The following LIG1 variants were observed in gnomAD, a reference collection of about 807,000 sequenced individuals.
LIG1 encodes ligase I, DNA, ATP-dependent.
A neutral mutation model predicts 115.7 loss-of-function variants in LIG1; 70 were observed. The ratio of observed to expected loss-of-function variants is 0.60; its 90% CI spans 0.50 to 0.74. The LOEUF is 0.74. Ranked by LOEUF, LIG1 falls within the 30% of genes least tolerant of loss-of-function variation. The probability of loss-of-function intolerance (pLI) is 0.00; values close to 1 mark genes in which losing one functional copy is unlikely to be tolerated. For synonymous variants in LIG1, 487 were observed against 495.3 expected (o/e 0.98, Z 0.22); for missense variants, 1,115 against 1,225.6 (o/e 0.91, Z 1.35).
intron 25 of LIG1, among the ~76,000 whole-genome samples, chr19:48,118,821 T>C (rs142557154): frequency 6.6e-6 from 1 of 152,312 alleles, no homozygotes; most frequent in African/African-American, 2.4e-5. Flanking sequence ...TTCATTCACA[T>C]TGATCAGGGC....
At chr19:48,167,821 G>A (rs1299147018) in intron 1 of LIG1, among the ~76,000 whole-genome samples, 2 of 132,904 alleles carry the variant, frequency 1.5e-5, no homozygotes, top group Non-Finnish European at 3.1e-5. Flanking sequence ...GCGAGACCCC[G>A]TCTTAAAAAA....
Position 48,134,029 on chromosome 19 carries a change from G to T in LIG1, c.1561C>A (p.Leu521Met). The change falls in exon 17 of 28, where the codon CTG (leucine) becomes ATG (methionine). Residue 521 changes from leucine to methionine, a missense_variant. Leu to Met is a conservative substitution (Grantham distance 15). Transcript: ENST00000263274. The stretch of plus-strand genomic sequence containing the variant: ...GGGAGACGTTCCAGGCCGTGCTCCA[G>T]CAGCACGGGGATAATTCGGTCCAGG... ...PDLDRIIPVL[L>M]EHGLERLPEH... is the part of the protein sequence containing the mutation. The T allele has an allele frequency of 6.4e-7, 1 of 1,557,650 alleles. No homozygotes were observed. Among genetic ancestry groups the T allele is most frequent in the Non-Finnish European group, 8.7e-7 (1 of 1,150,166 alleles).
At chr19:48,156,928 G>C (rs1223337673) in intron 5 of LIG1, 86 bp downstream of exon 5, 24 of 1,228,942 alleles carry the variant, frequency 2.0e-5, no homozygotes, top group Non-Finnish European at 2.6e-5. Flanking sequence ...AACAGAGCGA[G>C]ACTATGTCTC....
At chr19:48,143,084 G>A (rs937625739) in intron 11 of LIG1, among the ~76,000 whole-genome samples, 1 of 152,222 alleles carries the variant, frequency 6.6e-6, no homozygotes, top group East Asian at 1.9e-4. Context: ...GGACCAGGGT[G>A]GGGCAGTGCT....
At chr19:48,155,409 C>T (rs957759743) in intron 5 of LIG1, among the ~76,000 whole-genome samples, 2 of 152,192 alleles carry the variant, frequency 1.3e-5, no homozygotes, top group East Asian at 1.9e-4. Context: ...CTGTTCCCAT[C>T]TCGAGGCCTC....
intron 15 of LIG1, 127 bp downstream of exon 15, chr19:48,135,907 C>CCCCGCG: frequency 1.0e-6 from 1 of 952,744 alleles, no homozygotes; most frequent in Non-Finnish European, 1.6e-6. Context: ...TCCCCCCCAC[C>CCCCGCG]CAGGAGAGAG....
chr19:48,143,005 G>C (rs1028789618), intron 11 of LIG1, among the ~76,000 whole-genome samples: 1 of 152,172 alleles, frequency 6.6e-6, no homozygotes, highest in Non-Finnish European at 1.5e-5. Context: ...GGAGGACAAG[G>C]AGAGAAGAGG....
At chr19:48,116,644 C>T (rs548131433) in intron 26 of LIG1, among the ~76,000 whole-genome samples, 5 of 151,930 alleles carry the variant, frequency 3.3e-5, no homozygotes, top group African/African-American at 7.3e-5. Context: ...ACATCCTCAC[C>T]GTAAAATGGA....
chr19:48,126,594 A>G lies in LIG1; in HGVS notation c.2004+683T>C, dbSNP rs901914950. Among the ~76,000 whole-genome samples, 148 of 151,236 alleles carry G rather than the reference A, an allele frequency of 9.8e-4. 1 individual carries two copies. The highest frequency in any genetic ancestry group is 3.6e-3 in the African/African-American group (147 of 41,000). On this transcript the variant is annotated intron_variant, in intron 21 of 27. Transcript: ENST00000263274. ...GCACTCCAGCCTGGGTGACTGAGCAAGACTCTTATCTCAAAAAAAAAAAAA... is the reference window on the plus strand; with the variant it reads ...GCACTCCAGCCTGGGTGACTGAGCAGGACTCTTATCTCAAAAAAAAAAAAA...
chr19:48,161,883 T>C (rs1473415049), intron 3 of LIG1, among the ~76,000 whole-genome samples: 2 of 134,046 alleles, frequency 1.5e-5, no homozygotes, highest in African/African-American at 5.6e-5. Flanking sequence ...TGGAGTGCAG[T>C]GGGCCGAGAT....
chr19:48,122,423 C>A lies in LIG1; in HGVS notation c.2232+511G>T. On this transcript the variant is annotated intron_variant, in intron 23 of 27. Coordinates refer to ENST00000263274, the MANE Select transcript of LIG1 (RefSeq NM_000234.3). The surrounding 1 kb of genome is among the most constrained non-coding windows in gnomAD (Gnocchi z 4.3). ...TGAGCTCACCTCCCGCCTCGCCTGCCCTTGCTCCCTGCACACGCAGAGGCT... is the reference window on the plus strand; with the variant it reads ...TGAGCTCACCTCCCGCCTCGCCTGCACTTGCTCCCTGCACACGCAGAGGCT... 1 of 210,266 alleles carries A rather than the reference C, an allele frequency of 4.8e-6. No individual in the cohort carries two copies. Among genetic ancestry groups the A allele is most frequent in the Non-Finnish European group, 9.7e-6 (1 of 102,812 alleles). The allele number at this position is 210,266 out of a possible 1,614,324, so 13.0% of individuals were successfully genotyped here.
intron 1 of LIG1, among the ~76,000 whole-genome samples, chr19:48,169,215 TG>T (rs2036636737): frequency 6.6e-6 from 1 of 152,190 alleles, no homozygotes; most frequent in South Asian, 2.1e-4. Context: ...GGAGTTCTTA[TG>T]TGGAGAGGGA....
At position 48,127,962 on chromosome 19, in the gene LIG1, C is replaced by T. The variant is rs546799751; in HGVS notation, c.1880G>A (p.Arg627Gln). The change falls in exon 20 of 28, where the codon CGG becomes CAG. Residue 627 changes from arginine to glutamine, a missense_variant. Coordinates refer to ENST00000263274, the MANE Select transcript of LIG1 (RefSeq NM_000234.3). ...ILDTEAVAWD[R>Q]EKKQIQPFQV... Reference sequence around the variant, plus strand: ...GAATGGCTGGATCTGCTTCTTTTCCCGGTCCCAAGCCACGGCTTCGGTGTC... The same window carrying T: ...GAATGGCTGGATCTGCTTCTTTTCCTGGTCCCAAGCCACGGCTTCGGTGTC... 20 of 1,614,136 alleles carry T rather than the reference C, an allele frequency of 1.2e-5. No homozygotes were observed. The East Asian group carries it at 1.8e-4, about 14-fold the overall frequency.
chr19:48,125,797 G>A (rs1425668861), intron 21 of LIG1, among the ~76,000 whole-genome samples: 1 of 151,604 alleles, frequency 6.6e-6, no homozygotes, highest in Non-Finnish European at 1.5e-5. Context: ...AGACCATCCT[G>A]GCCAACATGG....
chr19:48,120,720 G>T (rs1226840066), intron 24 of LIG1: 11 of 338,608 alleles, frequency 3.2e-5, no homozygotes, highest in Non-Finnish European at 4.7e-5. Flanking sequence ...CTTCCCTGGT[G>T]CGTGGAGCAG....
chr19:48,165,559 C>G lies in LIG1; in HGVS notation c.8G>C (p.Arg3Pro), dbSNP rs201713810. MQ[R>P]SIMSFFHPKK... ...AAGGGAGGGTGCTCACATGATACTT[C>G]GCTGCATGTTGGCGTCAGAATTCTC... Residue 3 changes from arginine (R) to proline (P), a missense_variant, in exon 2 of 28, where the codon CGA becomes CCA. Transcript: ENST00000263274. 6.2e-6 allele frequency: 10 copies of G among 1,612,780 alleles called. No homozygotes were observed. In the East Asian group the frequency reaches 2.2e-4, roughly 36 times the overall value.
At chr19:48,155,164 T>G (rs999113142) in intron 5 of LIG1, among the ~76,000 whole-genome samples, 1 of 152,012 alleles carries the variant, frequency 6.6e-6, no homozygotes, top group African/African-American at 2.4e-5. Context: ...ATGGCCACCT[T>G]TCATTCAGGG....
chr19:48,161,245 A>G, intron 4 of LIG1, 127 bp downstream of exon 4: 1 of 1,388,422 alleles, frequency 7.2e-7, no homozygotes, highest in Non-Finnish European at 1.0e-6. Context: ...CGACACAACC[A>G]GGAAACACAT....
At chr19:48,125,772 G>A (rs28759107) in intron 21 of LIG1, among the ~76,000 whole-genome samples, 4 of 151,252 alleles carry the variant, frequency 2.6e-5, no homozygotes, top group Admixed American at 1.3e-4. Flanking sequence ...GGCAGATCAC[G>A]ATGTCAGGAG....
Sources: gnomAD v4.1 joint callset for allele counts (sites outside exome capture counted in the v4.1 genomes callset) on GRCh38, gnomAD v4.1.1 for gene constraint, Gnocchi (gnomAD v3.1) non-coding constraint, MANE v1.5 for transcripts, NCBI Gene and HGNC (gene_info 2026-07-23, HGNC 2026-07-21) for gene names.